Variants in CSNK2A1 observed in about 807,000 individuals in gnomAD.
The protein encoded by CSNK2A1 is casein kinase II subunit alpha.
CSNK2A1 carries 10 observed loss-of-function variants against 62.9 expected under a neutral mutation model. The ratio of observed to expected loss-of-function variants is 0.16; its 90% CI spans 0.10 to 0.27. The LOEUF is 0.27. Ranked by LOEUF, CSNK2A1 falls within the 10% of genes least tolerant of loss-of-function variation. The pLI is 1.00. For missense variants in CSNK2A1, 160 were observed against 492.0 expected (o/e 0.33, Z 6.38); for synonymous variants, 124 against 167.8 (o/e 0.74, Z 2.02).
At chr20:497,872 C>T in intron 6 of CSNK2A1, 92 bp from the exon 7 acceptor site, 5 of 1,140,278 alleles carry the variant, frequency 4.4e-6, no homozygotes, top group Non-Finnish European at 5.2e-6. Flanking sequence ...AGACTTGGCT[C>T]ATTTACCGTT....
chr20:500,682 A>G (rs1423381196), intron 4 of CSNK2A1: 4 of 128,518 alleles, frequency 3.1e-5, no homozygotes, highest in Non-Finnish European at 6.2e-5. Flanking sequence ...TCTGTCACCC[A>G]GGCTGGAGTG....
intron 1 of CSNK2A1, among the ~76,000 whole-genome samples, chr20:531,634 A>G (rs750358410): frequency 1.6e-4 from 25 of 152,210 alleles, no homozygotes; most frequent in Non-Finnish European, 2.5e-4. Flanking sequence ...AGCAAAATTA[A>G]TAATTCCTGA....
At position 475,864 on chromosome 20, in the gene CSNK2A1, C is replaced by A. The variant is rs1324770281; in HGVS notation, c.*8097G>T. Reference sequence around the variant, plus strand: ...GCAACTTCTGCCACATTGGGCAAACCTGAATCCAATTCACATGGAGGTGTC... The same window carrying A: ...GCAACTTCTGCCACATTGGGCAAACATGAATCCAATTCACATGGAGGTGTC... On this transcript the variant is annotated 3_prime_UTR_variant, in exon 14 of 14. Coordinates refer to ENST00000217244, the MANE Select transcript of CSNK2A1 (RefSeq NM_177559.3). 1 of 152,236 alleles carries A rather than the reference C, an allele frequency of 6.6e-6. No homozygotes were observed. Among genetic ancestry groups the A allele is most frequent in the Non-Finnish European group, 1.5e-5 (1 of 68,064 alleles). The allele number at this position is 152,236 out of a possible 1,614,324, so 9.4% of individuals were successfully genotyped here.
chr20:531,084 C>T (rs1208677731), intron 1 of CSNK2A1, among the ~76,000 whole-genome samples: 1 of 151,498 alleles, frequency 6.6e-6, no homozygotes, highest in Non-Finnish European at 1.5e-5. Context: ...AATTCCGTCT[C>T]AAAAAACAAA....
At chr20:510,631 T>A (rs2018699634) in intron 2 of CSNK2A1, among the ~76,000 whole-genome samples, 3 of 152,196 alleles carry the variant, frequency 2.0e-5, no homozygotes, top group African/African-American at 4.8e-5. Flanking sequence ...TCACAAATGA[T>A]AAAACAAGCT....
Position 486,473 on chromosome 20 carries a change from G to C in CSNK2A1, c.974-11C>G, listed in dbSNP as rs778790457. ...CCTTCACAACAGTGTCTAGAAAAGAGACAAAAAGGCTAGGTTCTGTTTTGC... is the reference window on the plus strand; with the variant it reads ...CCTTCACAACAGTGTCTAGAAAAGACACAAAAAGGCTAGGTTCTGTTTTGC... On this transcript the variant is annotated splice_polypyrimidine_tract_variant and intron_variant, in intron 12 of 13. Transcript: ENST00000217244. 3.1e-6 allele frequency: 5 copies of C among 1,611,722 alleles called. No individual in the cohort carries two copies. Among genetic ancestry groups the C allele is most frequent in the Non-Finnish European group, 4.2e-6 (5 of 1,179,204 alleles).
chr20:520,710 G>C (rs6084767), intron 2 of CSNK2A1, among the ~76,000 whole-genome samples: 1 of 152,104 alleles, frequency 6.6e-6, no homozygotes, highest in Non-Finnish European at 1.5e-5. Flanking sequence ...ATATTGCCTA[G>C]GCTGGTCTCA....
At chr20:529,285 C>G (rs1311129406) in intron 1 of CSNK2A1, among the ~76,000 whole-genome samples, 1 of 152,098 alleles carries the variant, frequency 6.6e-6, no homozygotes, top group Non-Finnish European at 1.5e-5. Context: ...CTTACCCTCC[C>G]AAAGTGCTGG....
At chr20:503,915 C>T (rs112182742) in intron 4 of CSNK2A1, among the ~76,000 whole-genome samples, 117 of 152,314 alleles carry the variant, frequency 7.7e-4, no homozygotes, top group African/African-American at 2.7e-3. Context: ...CAGTGGCTCA[C>T]GCCTGTAATC....
intron 2 of CSNK2A1, among the ~76,000 whole-genome samples, chr20:513,427 C>A (rs73569102): frequency 0.019 from 2,837 of 152,286 alleles, 91 homozygotes; most frequent in African/African-American, 0.065. Context: ...TAAGTAATTA[C>A]TATCCCCTAG....
rs535944735 is a variant in CSNK2A1, at chr20:480,400, T to A, written c.*3561A>T. The A allele has an allele frequency of 1.8e-4, 28 of 151,508 alleles. No individual in the cohort carries two copies. Among genetic ancestry groups the A allele is most frequent in the African/African-American group, 6.6e-4 (27 of 41,182 alleles). The allele number at this position is 151,508 out of a possible 1,614,324, so 9.4% of individuals were successfully genotyped here. The stretch of plus-strand genomic sequence containing the variant: ...TGCCATTCCATTCAATACTCTTCGA[T>A]CCTGAGGGAAAACGAACCCACTTAA... On this transcript the variant is annotated 3_prime_UTR_variant, in exon 14 of 14. Coordinates refer to ENST00000217244, the MANE Select transcript of CSNK2A1 (RefSeq NM_177559.3).
intron 8 of CSNK2A1, among the ~76,000 whole-genome samples, chr20:492,980 T>C (rs2018266141): frequency 6.6e-6 from 1 of 152,348 alleles, no homozygotes; most frequent in East Asian, 1.9e-4. Flanking sequence ...GGCAAGCTTA[T>C]CTGCCCACTG....
At chr20:490,336 T>TTTTTTC (rs1555762293) in intron 9 of CSNK2A1, among the ~76,000 whole-genome samples, 5 of 58,584 alleles carry the variant, frequency 8.5e-5, no homozygotes, top group East Asian at 2.2e-3. Flanking sequence ...TAGTTTTTTC[T>TTTTTTC]TTTTTTTTTT....
intron 1 of CSNK2A1, among the ~76,000 whole-genome samples, chr20:536,949 T>C (rs2019345512): frequency 6.6e-6 from 1 of 152,174 alleles, no homozygotes; most frequent in South Asian, 2.1e-4. Flanking sequence ...GGATATGACA[T>C]GATACCATTT....
chr20:500,674 T>G (rs2018445400), intron 4 of CSNK2A1: 1 of 148,036 alleles, frequency 6.8e-6, no homozygotes, highest in Admixed American at 6.8e-5. Flanking sequence ...AGTCTTGCTC[T>G]GTCACCCAGG....
chr20:521,976 G>A (rs182256), intron 2 of CSNK2A1, among the ~76,000 whole-genome samples: 47,068 of 152,072 alleles, frequency 0.31, 7,726 homozygotes, highest in East Asian at 0.58. Flanking sequence ...CCCAATCCCC[G>A]GGCCATGGGC....
chr20:538,472 T>G (rs2019380478), intron 1 of CSNK2A1, among the ~76,000 whole-genome samples: 2 of 152,216 alleles, frequency 1.3e-5, no homozygotes, highest in African/African-American at 4.8e-5. Flanking sequence ...AGGTAATAAC[T>G]CAAAAGAAAT....
At chr20:507,442 T>C (rs1193873126) in intron 3 of CSNK2A1, 1 of 152,224 alleles carries the variant, frequency 6.6e-6, no homozygotes, top group Non-Finnish European at 1.5e-5. Flanking sequence ...CACTTGAATG[T>C]CAAAATGCTT....
intron 2 of CSNK2A1, among the ~76,000 whole-genome samples, chr20:512,081 G>A (rs1441361589): frequency 6.6e-6 from 1 of 152,054 alleles, no homozygotes; most frequent in Non-Finnish European, 1.5e-5. Flanking sequence ...ATAGAGACAG[G>A]GGTCTTGCTT....
Sources: gnomAD v4.1 joint callset for allele counts (sites outside exome capture counted in the v4.1 genomes callset) on GRCh38, gnomAD v4.1.1 for gene constraint, MANE v1.5 for transcripts, NCBI Gene and HGNC (gene_info 2026-07-23, HGNC 2026-07-21) for gene names.